N4BP2: variants seen among roughly 807,000 people sequenced by gnomAD.
N4BP2 encodes NEDD4 binding protein 2.
In N4BP2, 91 loss-of-function variants were observed where a neutral mutation model predicts 152.8. That is an observed-to-expected ratio of 0.60 (90% CI 0.50 to 0.71). The LOEUF (loss-of-function observed/expected upper bound fraction) is 0.71, where lower values mean the gene tolerates loss of function less well. Ranked by LOEUF, N4BP2 falls within the 30% of genes least tolerant of loss-of-function variation. N4BP2 has a pLI of 0.00. For missense variants in N4BP2, 1,923 were observed against 2,059.1 expected (o/e 0.93, Z 1.28); for synonymous variants, 646 against 705.3 (o/e 0.92, Z 1.33).
intron 16 of N4BP2, among the ~76,000 whole-genome samples, chr4:40,148,107 AGGT>A (rs1720772838): frequency 6.6e-6 from 1 of 152,118 alleles, no homozygotes; most frequent in Non-Finnish European, 1.5e-5. Flanking sequence ...GGCGGCTGGG[AGGT>A]GGAGGTTGTA....
At chr4:40,083,983 G>A (rs1713665716) in intron 2 of N4BP2, among the ~76,000 whole-genome samples, 1 of 152,168 alleles carries the variant, frequency 6.6e-6, no homozygotes, top group Non-Finnish European at 1.5e-5. Flanking sequence ...CATTCAGACG[G>A]GGTCTCACTC....
chr4:40,177,857 A>T, the N4BP2 span, among the ~76,000 whole-genome samples: 1 of 152,232 alleles, frequency 6.6e-6, no homozygotes, highest in East Asian at 1.9e-4. Flanking sequence ...CTTTATTTTC[A>T]CAAATCTTAC....
intron 1 of N4BP2, among the ~76,000 whole-genome samples, chr4:40,072,639 AC>A (rs1297806069): frequency 2.8e-5 from 4 of 141,462 alleles, no homozygotes; most frequent in African/African-American, 8.0e-5. Flanking sequence ...CCCTCCCTGT[AC>A]CCCCCCAGGC....
intron 16 of N4BP2, among the ~76,000 whole-genome samples, chr4:40,151,207 G>A (rs79924329): frequency 0.018 from 2,777 of 152,304 alleles, 105 homozygotes; most frequent in African/African-American, 0.063. Context: ...ACTGACCTAA[G>A]TGATAAGGGG....
At position 40,112,110 on chromosome 4, in the gene N4BP2, T is replaced by A. The variant is rs752751758; in HGVS notation, c.1525T>A (p.Ser509Thr). 7.1e-6 allele frequency: 11 copies of A among 1,556,982 alleles called. No individual in the cohort carries two copies. In the Admixed American group the frequency reaches 1.9e-4, roughly 27 times the overall value. The change falls in exon 6 of 18, where the codon TCT (serine) becomes ACT (threonine). Residue 509 changes from serine (S) to threonine (T), a missense_variant. By Grantham distance (58) the Ser-to-Thr change is moderately conservative. Coordinates refer to ENST00000261435, the MANE Select transcript of N4BP2 (RefSeq NM_018177.6). ...AAAAGAAGCATTTGAGAAGAAGATA[T>A]CTCCTATAATTATAGATAATACAAA... ...RAKEAFEKKI[S>T]PIIIDNTNLQ...
intron 3 of N4BP2, among the ~76,000 whole-genome samples, chr4:40,099,633 G>A (rs1715433268): frequency 6.6e-6 from 1 of 151,868 alleles, no homozygotes; most frequent in African/African-American, 2.4e-5. Context: ...GAACATTTTT[G>A]TACATGTTTG....
intron 2 of N4BP2, among the ~76,000 whole-genome samples, chr4:40,077,314 T>G (rs1008869928): frequency 3.3e-5 from 5 of 151,316 alleles, no homozygotes; most frequent in African/African-American, 7.3e-5. Context: ...TGCCTGGCTG[T>G]TTTTTGTATT....
Position 40,125,904 on chromosome 4 carries a change from AAAT to A in N4BP2, c.4331-229_4331-227del, listed in dbSNP as rs199810627. ...TCCGTCTCAAAAAAAAAAAAAAAAAAAATTATACACAGATCATTACTCTTTTAA... is the reference window on the plus strand; with the variant it reads ...TCCGTCTCAAAAAAAAAAAAAAAAAATATACACAGATCATTACTCTTTTAA... On this transcript the variant is annotated intron_variant, in intron 11 of 17. Coordinates refer to ENST00000261435, the MANE Select transcript of N4BP2 (RefSeq NM_018177.6). Among the ~76,000 whole-genome samples, 229 of 149,524 alleles carry A rather than the reference AAAT, an allele frequency of 1.5e-3. 2 individuals carry two copies. In the South Asian group the frequency reaches 0.016, roughly 10 times the overall value.
chr4:40,096,427 G>C (rs1207724122), intron 2 of N4BP2, among the ~76,000 whole-genome samples: 1 of 152,184 alleles, frequency 6.6e-6, no homozygotes, highest in Non-Finnish European at 1.5e-5. Flanking sequence ...TTGAAGAAGA[G>C]TGAGGAGACT....
downstream of N4BP2, among the ~76,000 whole-genome samples, chr4:40,161,425 C>T (rs1357089213): frequency 6.6e-6 from 1 of 152,182 alleles, no homozygotes; most frequent in Non-Finnish European, 1.5e-5. Context: ...GGAGGGAGAA[C>T]TTACCCATTG....
intron 3 of N4BP2, among the ~76,000 whole-genome samples, chr4:40,097,969 T>C (rs1272282557): frequency 6.6e-6 from 1 of 152,204 alleles, no homozygotes; most frequent in Non-Finnish European, 1.5e-5. Flanking sequence ...TACCACCCAG[T>C]TGTGACAATA....
intron 1 of N4BP2, among the ~76,000 whole-genome samples, chr4:40,057,513 A>AGTCCAGACACACAGACACTC (rs1320863941): frequency 9.9e-5 from 15 of 152,248 alleles, no homozygotes; most frequent in Middle Eastern, 3.4e-3. Context: ...TACTCAGTTC[A>AGTCCAGACACACAGACACTC]AGTCCAGACA....
intron 1 of N4BP2, among the ~76,000 whole-genome samples, chr4:40,065,311 C>T (rs988079161): frequency 1.3e-5 from 2 of 152,118 alleles, no homozygotes; most frequent in Non-Finnish European, 2.9e-5. Context: ...GTTTGAAGTG[C>T]CCATGGAATA....
At chr4:40,148,179 G>T (rs184426538) in intron 16 of N4BP2, among the ~76,000 whole-genome samples, 8 of 152,224 alleles carry the variant, frequency 5.3e-5, no homozygotes, top group Non-Finnish European at 1.2e-4. Context: ...CTGAGTGAAC[G>T]AGACTCCGTC....
chr4:40,183,550 A>T, the N4BP2 span, among the ~76,000 whole-genome samples: 16 of 152,054 alleles, frequency 1.1e-4, no homozygotes, highest in Non-Finnish European at 2.2e-4. Flanking sequence ...GTTAGCCAGG[A>T]TGGTCTCGAC....
chr4:40,087,774 A>G (rs1314554450), intron 2 of N4BP2, among the ~76,000 whole-genome samples: 1 of 151,206 alleles, frequency 6.6e-6, no homozygotes, highest in Non-Finnish European at 1.5e-5. Flanking sequence ...ATTTTTTGAG[A>G]TGGAGTGTCT....
rs201983746 is a variant in N4BP2 at position 40,130,171 on chromosome 4, G to A, written c.4528-1630G>A. 9.2e-5 allele frequency among the ~76,000 whole-genome samples: 14 copies of A among 151,598 alleles called. No homozygotes were observed. The East Asian group carries it at 2.7e-3, about 30-fold the overall frequency. On this transcript the variant is annotated intron_variant, in intron 12 of 17. Transcript: ENST00000261435. ...CCCTCAAGTAGCTGGGACCAGAAGCGCACATCACCACACCTGGCCAAAAAT... is the reference window on the plus strand; with the variant it reads ...CCCTCAAGTAGCTGGGACCAGAAGCACACATCACCACACCTGGCCAAAAAT...
At chr4:40,062,495 A>C (rs1028445344) in intron 1 of N4BP2, among the ~76,000 whole-genome samples, 10 of 151,666 alleles carry the variant, frequency 6.6e-5, no homozygotes, top group African/African-American at 2.4e-4. Context: ...AATCTGTCTA[A>C]CACATTACTC....
intron 14 of N4BP2, among the ~76,000 whole-genome samples, chr4:40,141,161 G>T (rs1242576564): frequency 6.6e-6 from 1 of 151,962 alleles, no homozygotes; most frequent in Non-Finnish European, 1.5e-5. Flanking sequence ...TCCCAGTAGG[G>T]GCAGCCGGGC....
Sources: gnomAD v4.1 joint callset for allele counts (sites outside exome capture counted in the v4.1 genomes callset) on GRCh38, gnomAD v4.1.1 for gene constraint, MANE v1.5 for transcripts, NCBI Gene and HGNC (gene_info 2026-07-23, HGNC 2026-07-21) for gene names.